The following CDC42BPA variants were observed in gnomAD, a reference collection of about 807,000 sequenced individuals.
The protein encoded by CDC42BPA is serine/threonine-protein kinase MRCK alpha.
In CDC42BPA, 80 loss-of-function variants were observed where a neutral mutation model predicts 223.5. The ratio of observed to expected loss-of-function variants is 0.36; its 90% confidence interval spans 0.30 to 0.43. The LOEUF is 0.43. Ranked by LOEUF, CDC42BPA falls within the 20% of genes least tolerant of loss-of-function variation. CDC42BPA has a pLI of 1.00. For missense variants in CDC42BPA, 1,743 were observed against 2,099.9 expected (o/e 0.83, Z 3.32); for synonymous variants, 694 against 718.6 (o/e 0.97, Z 0.55).
chr1:227,012,339 A>AC (rs1665384579), intron 34 of CDC42BPA, among the ~76,000 whole-genome samples: 1 of 152,234 alleles, frequency 6.6e-6, no homozygotes, highest in Non-Finnish European at 1.5e-5. Context: ...TAAAAATTCA[A>AC]GAAAATGAAT....
At chr1:227,060,975 C>A (rs1012574928) in intron 21 of CDC42BPA, among the ~76,000 whole-genome samples, 1 of 152,028 alleles carries the variant, frequency 6.6e-6, no homozygotes, top group African/African-American at 2.4e-5. Flanking sequence ...CCTGCCTCGG[C>A]CTCCCAAAGT....
intron 3 of CDC42BPA, among the ~76,000 whole-genome samples, chr1:227,207,460 A>G (rs1409401016): frequency 1.4e-5 from 2 of 145,176 alleles, no homozygotes; most frequent in African/African-American, 5.1e-5. Flanking sequence ...GGTGCGCTGC[A>G]CCCACTAAAT....
At chr1:227,295,048 T>G (rs1039175432) in intron 1 of CDC42BPA, among the ~76,000 whole-genome samples, 1 of 152,044 alleles carries the variant, frequency 6.6e-6, no homozygotes, top group African/African-American at 2.4e-5. Flanking sequence ...GTTACAGCAG[T>G]GAAAATTTTT....
At chr1:227,139,905 A>G (rs1659376160) in intron 9 of CDC42BPA, among the ~76,000 whole-genome samples, 163 bp from the exon 10 acceptor site, 1 of 152,228 alleles carries the variant, frequency 6.6e-6, no homozygotes, top group African/African-American at 2.4e-5. Context: ...GCAGTTAGCC[A>G]GCTGGAATAA....
At chr1:227,285,140 T>C (rs1572862145) in intron 1 of CDC42BPA, among the ~76,000 whole-genome samples, 1 of 152,320 alleles carries the variant, frequency 6.6e-6, no homozygotes, top group East Asian at 1.9e-4. Context: ...CTACACAGTT[T>C]CATTAATGGA....
chr1:227,110,747 T>C (rs74140294), intron 14 of CDC42BPA, among the ~76,000 whole-genome samples: 3 of 152,300 alleles, frequency 2.0e-5, no homozygotes, highest in Admixed American at 6.5e-5. Flanking sequence ...TAGAGGTATA[T>C]AGAAGACACA....
intron 2 of CDC42BPA, among the ~76,000 whole-genome samples, chr1:227,240,222 T>C (rs1679789102): frequency 1.3e-5 from 2 of 151,994 alleles, no homozygotes; most frequent in Admixed American, 6.6e-5. Flanking sequence ...TAAGAAAATA[T>C]GAAGAAGACC....
chr1:227,195,107 T>C (rs759170701), intron 4 of CDC42BPA, among the ~76,000 whole-genome samples: 1 of 152,216 alleles, frequency 6.6e-6, no homozygotes. Context: ...ATTTCGCATA[T>C]TTAAAGCCTT....
At chr1:227,250,608 AT>A (rs1046589060) in intron 2 of CDC42BPA, among the ~76,000 whole-genome samples, 11 of 151,882 alleles carry the variant, frequency 7.2e-5, no homozygotes, top group African/African-American at 2.7e-4. Flanking sequence ...ATGTGTGTAT[AT>A]TTTTTGAAAC....
chr1:227,044,361 C>T (rs1303353789), intron 23 of CDC42BPA, among the ~76,000 whole-genome samples: 1 of 152,120 alleles, frequency 6.6e-6, no homozygotes, highest in Admixed American at 6.5e-5. Context: ...AATATTTTCA[C>T]CTTATGCTTG....
At chr1:227,045,083 T>C (rs1037557657) in intron 23 of CDC42BPA, among the ~76,000 whole-genome samples, 2 of 152,196 alleles carry the variant, frequency 1.3e-5, no homozygotes, top group African/African-American at 4.8e-5. Context: ...AACCGGTCTG[T>C]GTACAATTCC....
intron 6 of CDC42BPA, among the ~76,000 whole-genome samples, chr1:227,154,240 G>A (rs1028426548): frequency 4.6e-5 from 7 of 151,856 alleles, no homozygotes; most frequent in Admixed American, 6.6e-5. Flanking sequence ...AAAAACTCTG[G>A]TAATCAGAAA....
At chr1:227,107,598 C>A (rs780207063) in intron 14 of CDC42BPA, among the ~76,000 whole-genome samples, 2 of 152,098 alleles carry the variant, frequency 1.3e-5, no homozygotes, top group Admixed American at 6.5e-5. Flanking sequence ...GGAAGGATTG[C>A]TGTTAATTTT....
intron 16 of CDC42BPA, among the ~76,000 whole-genome samples, chr1:227,085,077 C>T (rs1258765287): frequency 1.3e-5 from 2 of 152,056 alleles, no homozygotes; most frequent in Non-Finnish European, 2.9e-5. Flanking sequence ...AATATACTCT[C>T]CTGGGTCTCC....
chr1:227,163,746 T>A (rs746752443), intron 5 of CDC42BPA, among the ~76,000 whole-genome samples: 102 of 148,884 alleles, frequency 6.9e-4, no homozygotes, highest in South Asian at 3.2e-3. Context: ...AAAAAAAATA[T>A]ATATATATAT....
At chr1:227,184,046 C>T (rs1008951535) in intron 5 of CDC42BPA, among the ~76,000 whole-genome samples, 11 of 151,996 alleles carry the variant, frequency 7.2e-5, no homozygotes, top group Non-Finnish European at 1.2e-4. Flanking sequence ...AATTAGATTG[C>T]TTGGGCTTTT....
Position 227,033,221 on chromosome 1 carries a change from A to G in CDC42BPA, c.3558+113T>C, listed in dbSNP as rs977423245. On this transcript the variant is annotated intron_variant, in intron 27 of 36. Transcript: ENST00000366766. Reference sequence around the variant, plus strand: ...GTACTGGATGATATGGAATATATAAAAGAATATAAGATTTGGTTTTACTTA... The same window carrying G: ...GTACTGGATGATATGGAATATATAAGAGAATATAAGATTTGGTTTTACTTA... The G allele has an allele frequency of 7.9e-5, 51 of 645,098 alleles. 1 individual carries two copies. The African/African-American group carries it at 8.4e-4, about 11-fold the overall frequency. 40.0% of individuals were successfully genotyped at this position (645,098 alleles called of 1,614,324 possible). A position where few individuals can be genotyped will look rare whatever the true frequency, so the allele number is the denominator to read the frequency against.
chr1:227,268,545 A>C (rs551390862), intron 1 of CDC42BPA, among the ~76,000 whole-genome samples: 1 of 150,582 alleles, frequency 6.6e-6, no homozygotes, highest in Non-Finnish European at 1.5e-5. Flanking sequence ...GTGTATGTAT[A>C]TATGTATACT....
rs746745706 is a variant in CDC42BPA at position 227,091,928 on chromosome 1, C to G, written c.2313G>C (p.Leu771Phe). Residue 771 changes from leucine (L) to phenylalanine (F), a missense_variant, in exon 16 of 37, where the codon TTG (leucine) becomes TTC (phenylalanine). Physicochemically the swap from Leu to Phe is conservative, Grantham distance 22 (BLOSUM62 0). Transcript: ENST00000366766. ...TCAGCTTTTTATTTTCTTCAGTTAA[C>G]AACACTTTTTCTCGTTCATATTGTT... is the stretch of plus-strand genomic sequence containing the variant. Reference protein sequence around the residue: ...FKQQYEREKVLLTEENKKLTS... With the variant: ...FKQQYEREKVFLTEENKKLTS... 32 of 1,608,634 alleles carry G rather than the reference C, an allele frequency of 2.0e-5. No homozygotes were observed. In the Middle Eastern group the frequency reaches 2.1e-3, roughly 108 times the overall value.
Sources: gnomAD v4.1 joint callset for allele counts (sites outside exome capture counted in the v4.1 genomes callset) on GRCh38, gnomAD v4.1.1 for gene constraint, MANE v1.5 for transcripts, NCBI Gene and HGNC (gene_info 2026-07-23, HGNC 2026-07-21) for gene names.